PNKD: variants seen among roughly 807,000 people sequenced by gnomAD.
PNKD encodes PNKD metallo-beta-lactamase domain containing.
A neutral mutation model predicts 45.3 loss-of-function variants in PNKD; 36 were observed. That is an observed-to-expected ratio of 0.80 (90% CI 0.61 to 1.05). The LOEUF (loss-of-function observed/expected upper bound fraction) is 1.05. PNKD is among the 50% of genes least tolerant of loss of function. The pLI is 0.00. For missense variants in PNKD, 511 were observed against 506.6 expected, an observed-to-expected ratio of 1.01 and a Z score of -0.08; for synonymous variants, 197 against 210.1, an observed-to-expected ratio of 0.94 and a Z score of 0.54.
At chr2:218,280,737 AACT>A (rs920644034) in intron 2 of PNKD, 5 of 152,516 alleles carry the variant, frequency 3.3e-5, no homozygotes, top group Non-Finnish European at 5.8e-5. Flanking sequence ...CCTCTTTGGG[AACT>A]ACTTTTAAAA....
chr2:218,277,708 A>G, intron 2 of PNKD: 1 of 1,613,480 alleles, frequency 6.2e-7, no homozygotes, highest in Non-Finnish European at 8.5e-7. Flanking sequence ...AACACTTAAA[A>G]AGGAAGGAAG....
chr2:218,277,680 GGA>G, intron 2 of PNKD: 1 of 1,614,168 alleles, frequency 6.2e-7, no homozygotes, highest in Non-Finnish European at 8.5e-7. Flanking sequence ...TCTAAGGGAA[GGA>G]GAGAGACAAG....
rs138683852 is a variant in PNKD, at chr2:218,276,915, G to A, written c.236+5366G>A. 386 of 1,086,976 alleles carry A rather than the reference G, an allele frequency of 3.6e-4. 4 individuals carry two copies. The Middle Eastern group carries it at 3.8e-3, about 11-fold the overall frequency. 67.3% of individuals were successfully genotyped at this position (1,086,976 alleles called of 1,614,324 possible). On this transcript the variant is annotated intron_variant, in intron 2 of 9. Coordinates refer to ENST00000273077, the MANE Select transcript of PNKD (RefSeq NM_015488.5). ...GTTCTGGAGGTCAGAGCCTGCCCCG[G>A]GGACCTTTGGGGCCTGCGAGACCAT...
At chr2:218,307,921 G>C (rs1693468301) in intron 2 of PNKD, among the ~76,000 whole-genome samples, 1 of 152,140 alleles carries the variant, frequency 6.6e-6, no homozygotes, top group Non-Finnish European at 1.5e-5. Flanking sequence ...AAATGGGTTT[G>C]ACCTTCAAGG....
chr2:218,308,629 C>T (rs1693492520), intron 2 of PNKD, among the ~76,000 whole-genome samples: 1 of 151,602 alleles, frequency 6.6e-6, no homozygotes, highest in South Asian at 2.1e-4. Context: ...CTCTATCACC[C>T]AGGCTGGAGT....
intron 8 of PNKD, among the ~76,000 whole-genome samples, chr2:218,343,996 A>G (rs1165682057): frequency 1.3e-5 from 2 of 152,206 alleles, no homozygotes; most frequent in Admixed American, 1.3e-4. Flanking sequence ...GTTAATCCTC[A>G]GAACATATAT....
At chr2:218,308,594 CTT>C (rs869071882) in intron 2 of PNKD, among the ~76,000 whole-genome samples, 3 of 146,588 alleles carry the variant, frequency 2.0e-5, no homozygotes, top group African/African-American at 2.5e-5. Context: ...TTCTTTCTTT[CTT>C]TTTTTTTTTT....
chr2:218,280,393 T>TGGG, intron 2 of PNKD: 1 of 400,244 alleles, frequency 2.5e-6, no homozygotes, highest in Non-Finnish European at 4.6e-6. Context: ...GGGGGTTCAC[T>TGGG]GGGGGGTCAC....
Position 218,271,515 on chromosome 2 carries a change from G to A in PNKD, c.202G>A (p.Gly68Ser). The change falls in exon 2 of 10, where the codon GGC (glycine) becomes AGC (serine). Residue 68 changes from glycine to serine, a missense_variant. Coordinates refer to ENST00000273077, the MANE Select transcript of PNKD (RefSeq NM_015488.5). ...GCTGGAATACATTCCCAGAAAGAGGGGCAAGAACCCCATGAAAGCTGTGGG... is the reference window on the plus strand; with the variant it reads ...GCTGGAATACATTCCCAGAAAGAGGAGCAAGAACCCCATGAAAGCTGTGGG... Reference protein sequence around the residue: ...PELEYIPRKRGKNPMKAVGLA... With the variant: ...PELEYIPRKRSKNPMKAVGLA... 1 of 1,614,140 alleles carries A rather than the reference G, an allele frequency of 6.2e-7. No homozygotes were observed.
intron 2 of PNKD, among the ~76,000 whole-genome samples, chr2:218,322,171 C>T (rs1694004311): frequency 6.6e-6 from 1 of 152,068 alleles, no homozygotes; most frequent in South Asian, 2.1e-4. Flanking sequence ...ATCCGCCCCC[C>T]TCGGCCTCCC....
intron 2 of PNKD, chr2:218,323,488 G>T: frequency 6.9e-7 from 1 of 1,443,832 alleles, no homozygotes; most frequent in East Asian, 2.8e-5. Context: ...CTGGGAGAGG[G>T]GACTGGGAGG....
intron 2 of PNKD, chr2:218,278,107 G>A: frequency 2.0e-6 from 2 of 998,252 alleles, no homozygotes; most frequent in Non-Finnish European, 3.0e-6. Context: ...AGGTTGGCAT[G>A]GCCTTTGGCA....
At position 218,271,438 on chromosome 2, in the gene PNKD, A is replaced by G; in HGVS notation, c.125A>G (p.Gln42Arg). Residue 42 changes from glutamine to arginine, a missense_variant, in exon 2 of 10, where the codon CAA (glutamine) becomes CGA (arginine). Coordinates refer to ENST00000273077, the MANE Select transcript of PNKD (RefSeq NM_015488.5). ...TCTCATAACAGGACCCGGGCCCTGC[A>G]AAGCCACAGCTCCCCAGAGGGCAAG... ...KASHNRTRAL[Q>R]SHSSPEGKEE... 1.9e-6 allele frequency: 3 copies of G among 1,614,062 alleles called. No individual in the cohort carries two copies. Among genetic ancestry groups the G allele is most frequent in the African/African-American group, 1.3e-5 (1 of 75,030 alleles).
At chr2:218,302,192 C>CA (rs1415147211) in intron 2 of PNKD, among the ~76,000 whole-genome samples, 13 of 152,116 alleles carry the variant, frequency 8.5e-5, no homozygotes, top group Non-Finnish European at 5.9e-5. Flanking sequence ...ACTAAAAATA[C>CA]AAAAAATTAG....
intron 2 of PNKD, among the ~76,000 whole-genome samples, chr2:218,297,819 G>A (rs1401882925): frequency 6.6e-6 from 1 of 151,392 alleles, no homozygotes; most frequent in Non-Finnish European, 1.5e-5. Context: ...CTAACATAGT[G>A]AAACCCCGTC....
chr2:218,313,958 G>A (rs931423927), intron 2 of PNKD, among the ~76,000 whole-genome samples: 3 of 124,164 alleles, frequency 2.4e-5, no homozygotes, highest in African/African-American at 9.4e-5. Context: ...CTGGAGTTTC[G>A]CTCTTGAGGC....
intron 2 of PNKD, chr2:218,278,406 C>T (rs940626821): frequency 8.6e-7 from 1 of 1,162,158 alleles, no homozygotes; most frequent in Non-Finnish European, 1.3e-6. Context: ...CTCCTCATTT[C>T]TTGTAAGTTT....
At chr2:218,313,277 A>G (rs1272924975) in intron 2 of PNKD, among the ~76,000 whole-genome samples, 1 of 151,942 alleles carries the variant, frequency 6.6e-6, no homozygotes, top group African/African-American at 2.4e-5. Flanking sequence ...TGCCCGGCTA[A>G]TTTTTGTATT....
chr2:218,339,142 C>G (rs1342834332), intron 2 of PNKD, among the ~76,000 whole-genome samples: 1 of 152,076 alleles, frequency 6.6e-6, no homozygotes, highest in African/African-American at 2.4e-5. Context: ...CACCACTGTT[C>G]TTTCTGAAAT....
Sources: gnomAD v4.1 joint callset for allele counts (sites outside exome capture counted in the v4.1 genomes callset) on GRCh38, gnomAD v4.1.1 for gene constraint, MANE v1.5 for transcripts, NCBI Gene and HGNC (gene_info 2026-07-23, HGNC 2026-07-21) for gene names.